The following UNC119B variants were observed in gnomAD, a reference collection of about 807,000 sequenced individuals.
The protein encoded by UNC119B is unc-119 lipid binding chaperone B.
In UNC119B, 16 loss-of-function variants were observed where a neutral mutation model predicts 23.4. The observed-to-expected ratio is 0.68, with a 90% CI of 0.46 to 1.04. The LOEUF is 1.04. Ranked by LOEUF, UNC119B falls within the 50% of genes least tolerant of loss-of-function variation. UNC119B has a pLI of 0.00. For missense variants in UNC119B, 350 were observed against 361.3 expected (o/e 0.97, Z 0.25); for synonymous variants, 144 against 145.4 (o/e 0.99, Z 0.07).
intron 4 of UNC119B, among the ~76,000 whole-genome samples, chr12:120,717,924 T>G (rs1189768080): frequency 1.3e-5 from 2 of 150,486 alleles, no homozygotes; most frequent in Non-Finnish European, 3.0e-5. Context: ...CAGGCTGGAG[T>G]GCAGTGGCGC....
chr12:120,721,301 G>A lies in UNC119B; in HGVS notation c.*1269G>A, dbSNP rs2136934221. On this transcript the variant is annotated 3_prime_UTR_variant, in exon 5 of 5. Transcript: ENST00000344651. ...AAAAAGTTCACTTGCACATCTGTGG[G>A]CTGCTTTTGTCCTCAGACCCTTAGT... 6.6e-6 allele frequency: 1 copy of A among 152,360 alleles called. No individual in the cohort carries two copies. Among genetic ancestry groups the A allele is most frequent in the Non-Finnish European group, 1.5e-5 (1 of 68,054 alleles). The allele number at this position is 152,360 out of a possible 1,614,324, so 9.4% of individuals were successfully genotyped here.
At chr12:120,710,901 G>A in intron 1 of UNC119B, 183 bp downstream of exon 1, 1 of 502,034 alleles carries the variant, frequency 2.0e-6, no homozygotes, top group Non-Finnish European at 3.0e-6. Flanking sequence ...GCTCTGGTGG[G>A]GAAGGACTCT....
At chr12:120,717,084 G>A (rs749588032) in intron 4 of UNC119B, 42 bp downstream of exon 4, 2 of 1,519,478 alleles carry the variant, frequency 1.3e-6, no homozygotes, top group East Asian at 2.3e-5. Context: ...GATTCTGAGG[G>A]CTACAAGGAA....
At position 120,710,608 on chromosome 12, in the gene UNC119B, C is replaced by T; in HGVS notation, c.134C>T (p.Pro45Leu). ...LNRLKARRQA[P>L]HHAADDGVGA... ...CGCCTGAAGGCGCGGCGGCAGGCGC[C>T]CCACCACGCGGCCGACGACGGCGTC... The change falls in exon 1 of 5, where the codon CCC becomes CTC. Residue 45 changes from proline (P) to leucine (L), a missense_variant. By Grantham distance (98) the Pro-to-Leu change is moderately conservative. Transcript: ENST00000344651. 7.0e-7 allele frequency: 1 copy of T among 1,438,190 alleles called. No individual in the cohort carries two copies. The highest frequency in any genetic ancestry group is 9.1e-7 in the Non-Finnish European group (1 of 1,101,262). The allele number at this position is 1,438,190 out of a possible 1,614,324, so 89.1% of individuals were successfully genotyped here. A position where few individuals can be genotyped will look rare whatever the true frequency, so the allele number is the denominator to read the frequency against.
rs963505750 is a variant in UNC119B at position 120,710,589 on chromosome 12, A to G, written c.115A>G (p.Lys39Glu). Residue 39 changes from lysine to glutamate, a missense_variant, in exon 1 of 5, where the codon AAG becomes GAG. Transcript: ENST00000344651. The stretch of plus-strand genomic sequence containing the variant: ...GGGCGGCGGCGTCCTGAACCGCCTG[A>G]AGGCGCGGCGGCAGGCGCCCCACCA... ...KAGGGVLNRL[K>E]ARRQAPHHAA... 2.0e-5 allele frequency: 29 copies of G among 1,427,776 alleles called. No homozygotes were observed. The African/African-American group carries it at 3.9e-4, about 19-fold the overall frequency. The allele number at this position is 1,427,776 out of a possible 1,614,324, so 88.4% of individuals were successfully genotyped here. A position where few individuals can be genotyped will look rare whatever the true frequency, so the allele number is the denominator to read the frequency against.
intron 2 of UNC119B, among the ~76,000 whole-genome samples, chr12:120,715,238 A>G (rs1028325222): frequency 6.6e-6 from 1 of 152,152 alleles, no homozygotes; most frequent in African/African-American, 2.4e-5. Flanking sequence ...ACACTGAATC[A>G]CTACCTTTCT....
chr12:120,715,518 ATTCTTTTTT>A (rs1449143447), intron 2 of UNC119B, among the ~76,000 whole-genome samples: 1 of 96,096 alleles, frequency 1.0e-5, no homozygotes, highest in African/African-American at 3.9e-5. Context: ...TTGTTCTCTG[ATTCTTTTTT>A]TTTTTTTTTT....
At chr12:120,712,290 C>G (rs1328029733) in intron 1 of UNC119B, among the ~76,000 whole-genome samples, 1 of 152,198 alleles carries the variant, frequency 6.6e-6, no homozygotes, top group Non-Finnish European at 1.5e-5. Flanking sequence ...CAATGTTAGC[C>G]TTTTTAGCAG....
chr12:120,718,546 C>T (rs1882827980), intron 4 of UNC119B, among the ~76,000 whole-genome samples: 1 of 152,126 alleles, frequency 6.6e-6, no homozygotes, highest in Admixed American at 6.6e-5. Context: ...TGGCCTAGAC[C>T]TGGGGAGGGC....
intron 2 of UNC119B, 106 bp downstream of exon 2, chr12:120,713,493 C>T: frequency 1.2e-6 from 1 of 835,642 alleles, no homozygotes; most frequent in Non-Finnish European, 1.9e-6. Flanking sequence ...TCCAGTGTGT[C>T]CCACTTCTGT....
chr12:120,714,615 G>A (rs1002014842), intron 2 of UNC119B, among the ~76,000 whole-genome samples: 9 of 152,108 alleles, frequency 5.9e-5, no homozygotes, highest in African/African-American at 1.9e-4. Flanking sequence ...ACCGCGCCTG[G>A]TTGCTTATGG....
chr12:120,710,574 G>C lies in UNC119B; in HGVS notation c.100G>C (p.Val34Leu), dbSNP rs755153015. Residue 34 changes from valine to leucine, a missense_variant, in exon 1 of 5, where the codon GTC (valine) becomes CTC (leucine). Coordinates refer to ENST00000344651, the MANE Select transcript of UNC119B (RefSeq NM_001080533.3). ...KEEKKKAGGG[V>L]LNRLKARRQA... ...GGAGAAGAAGAAGGCGGGCGGCGGC[G>C]TCCTGAACCGCCTGAAGGCGCGGCG... The C allele has an allele frequency of 2.1e-6, 3 of 1,415,528 alleles. No individual in the cohort carries two copies. Among genetic ancestry groups the C allele is most frequent in the South Asian group, 1.5e-5 (1 of 68,442 alleles). The allele number at this position is 1,415,528 out of a possible 1,614,324, so 87.7% of individuals were successfully genotyped here. A position where few individuals can be genotyped will look rare whatever the true frequency, so the allele number is the denominator to read the frequency against.
Position 120,720,105 on chromosome 12 carries a change from T to G in UNC119B, c.*73T>G. 8.3e-7 allele frequency: 1 copy of G among 1,206,746 alleles called. No individual in the cohort carries two copies. Among genetic ancestry groups the G allele is most frequent in the South Asian group, 1.3e-5 (1 of 77,770 alleles). 74.8% of individuals were successfully genotyped at this position (1,206,746 alleles called of 1,614,324 possible). A position where few individuals can be genotyped will look rare whatever the true frequency, so the allele number is the denominator to read the frequency against. ...CCTGGCACACGGAGATGATCGAAGCTGCAGTTTGTCAACACACATCTGGAA... is the reference window on the plus strand; with the variant it reads ...CCTGGCACACGGAGATGATCGAAGCGGCAGTTTGTCAACACACATCTGGAA... On this transcript the variant is annotated 3_prime_UTR_variant, in exon 5 of 5. Coordinates refer to ENST00000344651, the MANE Select transcript of UNC119B (RefSeq NM_001080533.3).
chr12:120,710,520 G>C lies in UNC119B; in HGVS notation c.46G>C (p.Gly16Arg). ...GGCTGCGGCCGCGGCGTCGGCGGCTGGGCCCGGGGGGCTGGTGGCTGGCAA... is the reference window on the plus strand; with the variant it reads ...GGCTGCGGCCGCGGCGTCGGCGGCTCGGCCCGGGGGGCTGGTGGCTGGCAA... ...PKAAAAASAA[G>R]PGGLVAGKEE... The change falls in exon 1 of 5, where the codon GGG (glycine) becomes CGG (arginine). Residue 16 changes from glycine (G) to arginine (R), a missense_variant. Coordinates refer to ENST00000344651, the MANE Select transcript of UNC119B (RefSeq NM_001080533.3). 7.3e-7 allele frequency: 1 copy of C among 1,364,192 alleles called. No homozygotes were observed. 84.5% of individuals were successfully genotyped at this position (1,364,192 alleles called of 1,614,324 possible). A position where few individuals can be genotyped will look rare whatever the true frequency, so the allele number is the denominator to read the frequency against.
chr12:120,713,080 T>G (rs1441186564), intron 1 of UNC119B, among the ~76,000 whole-genome samples, 194 bp from the exon 2 acceptor site: 3 of 152,162 alleles, frequency 2.0e-5, no homozygotes, highest in Non-Finnish European at 4.4e-5. Flanking sequence ...GTCCTTGTTA[T>G]TTTTTTTCTT....
rs748180339 is a variant in UNC119B at position 120,710,491 on chromosome 12, C to G, written c.17C>G (p.Pro6Arg). Residue 6 changes from proline to arginine, a missense_variant, in exon 1 of 5, where the codon CCG becomes CGG. Pro to Arg is a moderately radical substitution (Grantham distance 103). Coordinates refer to ENST00000344651, the MANE Select transcript of UNC119B (RefSeq NM_001080533.3). MSGSNPKAAAAASAAG... is the reference protein window; with the variant it reads MSGSNRKAAAAASAAG... ...GGCGGAGCGATGAGCGGGTCTAACC[C>G]GAAGGCTGCGGCCGCGGCGTCGGCG... The G allele has an allele frequency of 2.2e-6, 3 of 1,354,640 alleles. No individual in the cohort carries two copies. Among genetic ancestry groups the G allele is most frequent in the Non-Finnish European group, 1.9e-6 (2 of 1,060,812 alleles). 83.9% of individuals were successfully genotyped at this position (1,354,640 alleles called of 1,614,324 possible). A position where few individuals can be genotyped will look rare whatever the true frequency, so the allele number is the denominator to read the frequency against.
rs1380737632 is a variant in UNC119B, at chr12:120,722,907, A to G, written c.*2875A>G. On this transcript the variant is annotated 3_prime_UTR_variant, in exon 5 of 5. Transcript: ENST00000344651. Reference sequence around the variant, plus strand: ...TTTCAAGCATGTGCTTCCTGAAGACACCTCAGTCTTTGGGCCATTTGATTT... The same window carrying G: ...TTTCAAGCATGTGCTTCCTGAAGACGCCTCAGTCTTTGGGCCATTTGATTT... 1 of 152,420 alleles carries G rather than the reference A, an allele frequency of 6.6e-6. No individual in the cohort carries two copies. Among genetic ancestry groups the G allele is most frequent in the Non-Finnish European group, 1.5e-5 (1 of 68,196 alleles). The allele number at this position is 152,420 out of a possible 1,614,324, so 9.4% of individuals were successfully genotyped here.
In UNC119B at chr12:120,710,544, AAGG is replaced by A. The variant is rs770908614; in HGVS notation, c.76_78del (p.Glu26del). The A allele has an allele frequency of 7.2e-7, 1 of 1,385,770 alleles. No homozygotes were observed. The allele number at this position is 1,385,770 out of a possible 1,614,324, so 85.8% of individuals were successfully genotyped here. A position where few individuals can be genotyped will look rare whatever the true frequency, so the allele number is the denominator to read the frequency against. On this transcript the variant is annotated inframe_deletion, in exon 1 of 5. Coordinates refer to ENST00000344651, the MANE Select transcript of UNC119B (RefSeq NM_001080533.3). ...TGGGCCCGGGGGGCTGGTGGCTGGC[AAGG>A]AGGAGAAGAAGAAGGCGGGCGGCGG...
chr12:120,719,264 G>T (rs1433778038), intron 4 of UNC119B, among the ~76,000 whole-genome samples: 1 of 152,206 alleles, frequency 6.6e-6, no homozygotes, highest in African/African-American at 2.4e-5. Flanking sequence ...GGTAGTGACT[G>T]TTAATTATCT....
Sources: allele counts gnomAD v4.1 joint callset (sites outside exome capture counted in the v4.1 genomes callset), GRCh38; gene constraint gnomAD v4.1.1; transcripts MANE v1.5; gene names NCBI Gene and HGNC (gene_info 2026-07-23, HGNC 2026-07-21).